ZNF573: variants seen among roughly 807,000 people sequenced by gnomAD.
ZNF573 encodes zinc finger protein 573.
In ZNF573, 41 loss-of-function variants were observed where a neutral mutation model predicts 57.4. The observed-to-expected ratio is 0.71, with a 90% CI of 0.56 to 0.93. The LOEUF is 0.93. Ranked by LOEUF, ZNF573 falls within the 40% of genes least tolerant of loss-of-function variation. The pLI, the probability that ZNF573 is intolerant of heterozygous loss-of-function variation, is 0.00. For missense variants in ZNF573, 730 were observed against 794.8 expected (o/e 0.92, Z 0.98); for synonymous variants, 249 against 261.0 (o/e 0.95, Z 0.44).
At chr19:37,774,999 C>A (rs2045694313) in intron 1 of ZNF573, among the ~76,000 whole-genome samples, 1 of 150,698 alleles carries the variant, frequency 6.6e-6, no homozygotes, top group South Asian at 2.1e-4. Flanking sequence ...CAGTCTACTG[C>A]TAAACTCTCT....
At chr19:37,763,375 G>C (rs1404940105) in intron 4 of ZNF573, among the ~76,000 whole-genome samples, 1 of 151,734 alleles carries the variant, frequency 6.6e-6, no homozygotes, top group Non-Finnish European at 1.5e-5. Context: ...TTGAGGTCAG[G>C]AGTTCGAGAC....
chr19:37,740,255 T>C (rs748646263), intron 4 of ZNF573, 61 bp from the exon 5 acceptor site: 1 of 1,427,446 alleles, frequency 7.0e-7, no homozygotes, highest in South Asian at 1.4e-5. Context: ...CAAGAAACTT[T>C]ATGCAACAAA....
intron 4 of ZNF573, among the ~76,000 whole-genome samples, chr19:37,764,889 C>T (rs1486596837): frequency 6.6e-6 from 1 of 150,688 alleles, no homozygotes; most frequent in African/African-American, 2.4e-5. Flanking sequence ...AGGCATGAGC[C>T]ACTGTGCCCG....
chr19:37,765,184 C>T (rs2145318757), intron 4 of ZNF573, among the ~76,000 whole-genome samples: 1 of 152,246 alleles, frequency 6.6e-6, no homozygotes, highest in South Asian at 2.1e-4. Flanking sequence ...TGAGCCACCA[C>T]ACCCAGTCAC....
Position 37,773,890 on chromosome 19 carries a change from C to A in ZNF573, c.-22-139G>T. On this transcript the variant is annotated intron_variant, in intron 1 of 4. Coordinates refer to ENST00000536220, the MANE Select transcript of ZNF573 (RefSeq NM_001172690.2). ...GGGAAAAACAGACAATGAATCTAAG[C>A]ACTCCCTCACACCCCAGGAAACCCA... 3 of 563,346 alleles carry A rather than the reference C, an allele frequency of 5.3e-6. No homozygotes were observed. In the East Asian group the frequency reaches 9.0e-5, roughly 17 times the overall value. 34.9% of individuals were successfully genotyped at this position (563,346 alleles called of 1,614,324 possible). A position where few individuals can be genotyped will look rare whatever the true frequency, so the allele number is the denominator to read the frequency against.
At chr19:37,756,285 C>T (rs2045487008) in intron 4 of ZNF573, among the ~76,000 whole-genome samples, 1 of 152,216 alleles carries the variant, frequency 6.6e-6, no homozygotes, top group Admixed American at 6.5e-5. Flanking sequence ...GGAAATTCTG[C>T]CATCTCCTTC....
chr19:37,779,346 A>C (rs17306900), intron 1 of ZNF573, among the ~76,000 whole-genome samples, 198 bp downstream of exon 1: 43,909 of 151,378 alleles, frequency 0.29, 7,506 homozygotes, highest in Non-Finnish European at 0.39. Flanking sequence ...GCACTCAAAT[A>C]CCCTCCTCTG....
chr19:37,776,095 A>G (rs904698369), intron 1 of ZNF573, among the ~76,000 whole-genome samples: 1 of 152,224 alleles, frequency 6.6e-6, no homozygotes. Flanking sequence ...ATTTCCATCA[A>G]AATACCATCA....
intron 2 of ZNF573, among the ~76,000 whole-genome samples, chr19:37,773,199 A>G (rs1460193564): frequency 6.6e-6 from 1 of 152,212 alleles, no homozygotes; most frequent in Non-Finnish European, 1.5e-5. Context: ...CAACAATTCT[A>G]AAATTCTCAA....
intron 4 of ZNF573, chr19:37,758,743 T>C (rs921021761): frequency 1.3e-5 from 2 of 152,316 alleles, no homozygotes; most frequent in African/African-American, 4.8e-5. Context: ...CTAATAAGCT[T>C]AGCTTTGCTA....
At position 37,740,177 on chromosome 19, in the gene ZNF573, C is replaced by T. The variant is rs200216101; in HGVS notation, c.313G>A (p.Glu105Lys). Residue 105 changes from glutamate to lysine, a missense_variant, in exon 5 of 5, where the codon GAG becomes AAG. Physicochemically the swap from Glu to Lys is moderately conservative, Grantham distance 56. Transcript: ENST00000536220. ...GGTACTTCTATGTAGCTGATTATCT[C>T]ACACTGTAAATCCAAATCTGAAACA... ...TQFTDLDLQC[E>K]IISYIEVPTY... 1.0e-4 allele frequency: 161 copies of T among 1,575,490 alleles called. No individual in the cohort carries two copies. Among genetic ancestry groups the T allele is most frequent in the Middle Eastern group, 1.8e-4 (1 of 5,594 alleles).
chr19:37,759,272 A>G, intron 4 of ZNF573: 1 of 374,304 alleles, frequency 2.7e-6, no homozygotes, highest in Non-Finnish European at 3.7e-6. Flanking sequence ...ATTTATAGCA[A>G]TATCAGAGAA....
In ZNF573 at chr19:37,770,236, C is replaced by T. The variant is rs1032618353; in HGVS notation, c.203-139G>A. The T allele has an allele frequency of 6.0e-6, 4 of 672,032 alleles. No homozygotes were observed. The East Asian group carries it at 1.2e-4, about 19-fold the overall frequency. 41.6% of individuals were successfully genotyped at this position (672,032 alleles called of 1,614,324 possible). On this transcript the variant is annotated intron_variant, in intron 3 of 4. Transcript: ENST00000536220. ...GATGATTGAAGAAATGAAACAGGCACAGTAAAACCTTATTTTAATGTAAAC... is the reference window on the plus strand; with the variant it reads ...GATGATTGAAGAAATGAAACAGGCATAGTAAAACCTTATTTTAATGTAAAC...
intron 4 of ZNF573, among the ~76,000 whole-genome samples, chr19:37,755,503 T>C (rs559886371): frequency 1.3e-5 from 2 of 152,312 alleles, no homozygotes; most frequent in South Asian, 2.1e-4. Context: ...TGGAAATTTA[T>C]AGCAGTATCA....
intron 4 of ZNF573, chr19:37,740,828 A>T (rs755404537): frequency 3.5e-5 from 11 of 310,546 alleles, no homozygotes; most frequent in Non-Finnish European, 6.9e-5. Flanking sequence ...AAAATGGCAT[A>T]GTATTTGCAC....
At chr19:37,759,349 AG>A (rs1272817067) in intron 4 of ZNF573, among the ~76,000 whole-genome samples, 1 of 152,192 alleles carries the variant, frequency 6.6e-6, no homozygotes, top group African/African-American at 2.4e-5. Flanking sequence ...GTAACTCAAA[AG>A]TTTATAAACA....
At chr19:37,772,200 C>A (rs1232663606) in intron 2 of ZNF573, among the ~76,000 whole-genome samples, 1 of 152,120 alleles carries the variant, frequency 6.6e-6, no homozygotes, top group East Asian at 1.9e-4. Context: ...GTGACTCAAA[C>A]ATGGCTCATT....
chr19:37,774,706 G>A (rs749397049), intron 1 of ZNF573, among the ~76,000 whole-genome samples: 8 of 152,142 alleles, frequency 5.3e-5, no homozygotes, highest in East Asian at 3.9e-4. Flanking sequence ...TCATTGGATC[G>A]TTAAAAAGAC....
chr19:37,739,711 T>A lies in ZNF573; in HGVS notation c.779A>T (p.His260Leu). 1 of 1,613,758 alleles carries A rather than the reference T, an allele frequency of 6.2e-7. No homozygotes were observed. The highest frequency in any genetic ancestry group is 8.5e-7 in the Non-Finnish European group (1 of 1,179,804). Residue 260 changes from histidine to leucine, a missense_variant, in exon 5 of 5, where the codon CAT (histidine) becomes CTT (leucine). Coordinates refer to ENST00000536220, the MANE Select transcript of ZNF573 (RefSeq NM_001172690.2). ...ATGAACTCTCTGATGAATTCTAAGA[T>A]GTCCACCTTGACTAAAGGCCCTCCC... Reference protein sequence around the residue: ...ECGRAFSQGGHLRIHQRVHTG... With the variant: ...ECGRAFSQGGLLRIHQRVHTG...
Sources: gnomAD v4.1 joint callset for allele counts (sites outside exome capture counted in the v4.1 genomes callset) on GRCh38, gnomAD v4.1.1 for gene constraint, MANE v1.5 for transcripts, NCBI Gene and HGNC (gene_info 2026-07-23, HGNC 2026-07-21) for gene names.